Variants in WT1 observed in about 807,000 individuals in gnomAD.
WT1 encodes the protein Wilms tumor protein.
A neutral mutation model predicts 60.8 loss-of-function variants in WT1; 8 were observed. The observed-to-expected ratio is 0.13, with a 90% CI of 0.08 to 0.24. The LOEUF (loss-of-function observed/expected upper bound fraction) is 0.24, where lower values mean the gene tolerates loss of function less well. Ranked by LOEUF, WT1 falls within the 10% of genes least tolerant of loss-of-function variation. WT1 has a pLI of 1.00. For missense variants in WT1, 568 were observed against 711.8 expected (o/e 0.80, Z 2.30); for synonymous variants, 312 against 297.1 (o/e 1.05, Z -0.52).
intron 5 of WT1, among the ~76,000 whole-genome samples, chr11:32,408,533 A>AG (rs1460394860): frequency 6.3e-5 from 9 of 143,270 alleles, no homozygotes; most frequent in African/African-American, 2.5e-4. Context: ...AAAAAAAAAA[A>AG]AAAAAAAAAA....
chr11:32,407,097 TCAAAAA>T (rs562498575), intron 5 of WT1, among the ~76,000 whole-genome samples: 129 of 152,120 alleles, frequency 8.5e-4, no homozygotes, highest in Middle Eastern at 3.4e-3. Context: ...AGACTCTGTC[TCAAAAA>T]CAAAAACAAA....
chr11:32,430,834 T>G (rs1590401996), intron 1 of WT1: 1 of 1,275,870 alleles, frequency 7.8e-7, no homozygotes, highest in Non-Finnish European at 9.9e-7. Flanking sequence ...CGGAGGGAGG[T>G]CTCTTTTAAT....
chr11:32,395,119 T>C (rs190595365), intron 7 of WT1, among the ~76,000 whole-genome samples: 1 of 152,338 alleles, frequency 6.6e-6, no homozygotes, highest in East Asian at 1.9e-4. Context: ...TTAGCAAATT[T>C]CAATGGTCCA....
At chr11:32,408,601 G>A (rs1447581103) in intron 5 of WT1, among the ~76,000 whole-genome samples, 1 of 149,860 alleles carries the variant, frequency 6.7e-6, no homozygotes, top group East Asian at 2.0e-4. Context: ...GAATGAGAGA[G>A]AGAGAGGAAG....
chr11:32,403,775 A>C (rs558048503), intron 5 of WT1, among the ~76,000 whole-genome samples: 1 of 151,520 alleles, frequency 6.6e-6, no homozygotes, highest in South Asian at 2.1e-4. Context: ...CGGGGTTTCA[A>C]CGTGTTGCAG....
At chr11:32,419,650 G>A (rs929546823) in intron 3 of WT1, among the ~76,000 whole-genome samples, 1 of 152,140 alleles carries the variant, frequency 6.6e-6, no homozygotes, top group African/African-American at 2.4e-5. Flanking sequence ...AGAATAGTCT[G>A]GTTGATTCCT....
At chr11:32,400,211 G>C (rs1402900139) in intron 5 of WT1, 167 bp from the exon 6 acceptor site, 1 of 800,598 alleles carries the variant, frequency 1.2e-6, no homozygotes, top group Non-Finnish European at 2.1e-6. Flanking sequence ...TTCTGCGGAG[G>C]GCGAGGCCCC....
chr11:32,434,709 G>T lies in WT1; in HGVS notation c.652C>A (p.Arg218Ser), dbSNP rs2133101131. 1.2e-6 allele frequency: 2 copies of T among 1,612,978 alleles called. No homozygotes were observed. Among genetic ancestry groups the T allele is most frequent in the Non-Finnish European group, 1.7e-6 (2 of 1,179,956 alleles). Residue 218 changes from arginine (R) to serine (S), a missense_variant, in exon 1 of 10, where the codon CGC (arginine) becomes AGC (serine). By Grantham distance (110) the Arg-to-Ser change is moderately radical. Coordinates refer to ENST00000452863, the MANE Select transcript of WT1 (RefSeq NM_024426.6). Reference sequence around the variant, plus strand: ...TCCCCGGCCTACTTACCCTGATTGCGAATAGCGGGCTGGCTCTCGAGGCAG... The same window carrying T: ...TCCCCGGCCTACTTACCCTGATTGCTAATAGCGGGCTGGCTCTCGAGGCAG...
At chr11:32,394,090 G>A (rs1402685732) in intron 7 of WT1, among the ~76,000 whole-genome samples, 1 of 152,050 alleles carries the variant, frequency 6.6e-6, no homozygotes, top group East Asian at 1.9e-4. Context: ...TAGAGACAGG[G>A]TCTCACTATA....
intron 1 of WT1, among the ~76,000 whole-genome samples, chr11:32,432,165 T>G (rs1853334292): frequency 6.6e-6 from 1 of 152,236 alleles, no homozygotes; most frequent in Non-Finnish European, 1.5e-5. Context: ...TGTGAAGTTT[T>G]GGGCGGTTGT....
rs1475923286 is a variant in WT1 at position 32,435,215 on chromosome 11, C to A, written c.146G>T (p.Gly49Val). Residue 49 changes from glycine (G) to valine (V), a missense_variant, in exon 1 of 10, where the codon GGC (glycine) becomes GTC (valine). Transcript: ENST00000452863. ...ACGTTCAGCGCTGGCCTCGGCGGCG[C>A]CTAACTTGGCCCAGATGCCGCCCGG... is the stretch of plus-strand genomic sequence containing the variant. 9.8e-6 allele frequency: 15 copies of A among 1,534,090 alleles called. No individual in the cohort carries two copies. Among genetic ancestry groups the A allele is most frequent in the Non-Finnish European group, 7.0e-6 (8 of 1,146,056 alleles).
chr11:32,421,201 A>G (rs1228987712), intron 3 of WT1, among the ~76,000 whole-genome samples: 1 of 152,202 alleles, frequency 6.6e-6, no homozygotes, highest in African/African-American at 2.4e-5. Flanking sequence ...CAATCGCTCA[A>G]CACCCAGCTC....
chr11:32,430,404 AAGAG>A (rs1028840734), intron 1 of WT1: 2 of 1,319,170 alleles, frequency 1.5e-6, no homozygotes, highest in African/African-American at 1.6e-5. Context: ...GGACACTAAA[AAGAG>A]AGAGAGAGAA....
intron 5 of WT1, chr11:32,400,432 C>T (rs1852120862): frequency 8.4e-6 from 3 of 356,436 alleles, no homozygotes; most frequent in African/African-American, 2.1e-5. Context: ...ACGTTAAGTG[C>T]ACTGAATTTG....
At chr11:32,430,403 A>G in intron 1 of WT1, 1 of 1,371,292 alleles carries the variant, frequency 7.3e-7, no homozygotes, top group African/African-American at 1.5e-5. Flanking sequence ...AGGACACTAA[A>G]AAGAGAGAGA....
At chr11:32,405,619 A>C (rs2132983559) in intron 5 of WT1, among the ~76,000 whole-genome samples, 1 of 124,282 alleles carries the variant, frequency 8.0e-6, no homozygotes, top group African/African-American at 3.4e-5. Flanking sequence ...AAGTTCCATC[A>C]CCTTACACAA....
intron 5 of WT1, among the ~76,000 whole-genome samples, chr11:32,405,908 A>T (rs892351203): frequency 1.3e-5 from 2 of 152,210 alleles, no homozygotes; most frequent in African/African-American, 4.8e-5. Flanking sequence ...GAGCTGGATA[A>T]TCCTGGTGGT....
chr11:32,421,778 T>C (rs2133051406), intron 3 of WT1, among the ~76,000 whole-genome samples: 1 of 152,338 alleles, frequency 6.6e-6, no homozygotes, highest in Non-Finnish European at 1.5e-5. Context: ...TTCAAACGCA[T>C]GTGTGATTCA....
rs5030274 is a variant in WT1, at chr11:32,396,416, A to G, written c.1114-9T>C. 10,003 of 1,613,418 alleles carry G rather than the reference A, an allele frequency of 6.2e-3. 36 individuals are homozygous for G. Among genetic ancestry groups the G allele is most frequent in the Non-Finnish European group, 7.5e-3 (8,816 of 1,180,014 alleles). On this transcript the variant is annotated splice_polypyrimidine_tract_variant and intron_variant, in intron 6 of 9. Coordinates refer to ENST00000452863, the MANE Select transcript of WT1 (RefSeq NM_024426.6). ...GGCACACGTCGCACATCCTGCAGGC[A>G]GAGAGTAAGAGGAAGGGAGGCTTTA...
Sources: gnomAD v4.1 joint callset for allele counts (sites outside exome capture counted in the v4.1 genomes callset) on GRCh38, gnomAD v4.1.1 for gene constraint, MANE v1.5 for transcripts, NCBI Gene and HGNC (gene_info 2026-07-23, HGNC 2026-07-21) for gene names.